The following SRCIN1 variants were observed in gnomAD, a reference collection of about 807,000 sequenced individuals.
The protein encoded by SRCIN1 is SRC kinase signaling inhibitor 1.
Under a neutral mutation model 116.2 loss-of-function variants are expected in SRCIN1, and 50 were observed. That is an observed-to-expected ratio of 0.43 (90% confidence interval 0.34 to 0.54). The LOEUF is 0.54. SRCIN1 is among the 20% of genes least tolerant of loss of function. The pLI, the probability that SRCIN1 is intolerant of heterozygous loss-of-function variation, is 0.02. For missense variants in SRCIN1, 1,446 were observed against 1,672.0 expected, an observed-to-expected ratio of 0.86 and a Z score of 2.36; for synonymous variants, 736 against 750.0, an observed-to-expected ratio of 0.98 and a Z score of 0.30.
chr17:38,578,459 C>A, intron 2 of SRCIN1, 31 bp downstream of exon 2: 1 of 1,540,314 alleles, frequency 6.5e-7, no homozygotes, highest in Non-Finnish European at 8.8e-7. Flanking sequence ...GCCGCGGCCG[C>A]AGCCGCAGCC....
rs946378458 is a variant in SRCIN1, at chr17:38,543,923, G to A, written c.3317C>T (p.Ala1106Val). Residue 1106 changes from alanine to valine, a missense_variant, in exon 18 of 19, where the codon GCC (alanine) becomes GTC (valine). Around this residue, in one of 5 missense-constraint regions of SRCIN1, gnomAD observed 531 missense variants for 633.9 expected, o/e 0.84. Coordinates refer to ENST00000617146, the MANE Select transcript of SRCIN1 (RefSeq NM_025248.3). ...VPPMKVVTPG[A>V]SRLKAAQGQA... ...GCCCTGGGCCGCCTTCAGCCGAGAG[G>A]CCCCCGGAGTCACCACCTTCATGGG... 6.2e-7 allele frequency: 1 copy of A among 1,600,540 alleles called. No homozygotes were observed. Among genetic ancestry groups the A allele is most frequent in the Non-Finnish European group, 8.5e-7 (1 of 1,177,692 alleles).
intron 18 of SRCIN1, among the ~76,000 whole-genome samples, chr17:38,539,353 G>A (rs1310551367): frequency 6.6e-6 from 1 of 152,164 alleles, no homozygotes; most frequent in Non-Finnish European, 1.5e-5. Flanking sequence ...GCCTCCCAAA[G>A]TGGGGATTAC....
chr17:38,559,437 T>C, intron 10 of SRCIN1, 148 bp downstream of exon 10: 1 of 785,508 alleles, frequency 1.3e-6, no homozygotes, highest in Non-Finnish European at 2.0e-6. Context: ...GAGAAAGGGT[T>C]CGGAGAGAGG....
chr17:38,536,572 C>T (rs1007500030), intron 18 of SRCIN1, among the ~76,000 whole-genome samples: 5 of 152,208 alleles, frequency 3.3e-5, no homozygotes, highest in South Asian at 2.1e-4. Context: ...CACATTCTGA[C>T]GCCCAGATGT....
At chr17:38,579,521 A>G (rs1357560552) in intron 1 of SRCIN1, among the ~76,000 whole-genome samples, 1 of 152,126 alleles carries the variant, frequency 6.6e-6, no homozygotes, top group African/African-American at 2.4e-5. Context: ...ATGGATTTGG[A>G]ACAAACTTAA....
chr17:38,548,834 C>T, intron 16 of SRCIN1, 125 bp from the exon 17 acceptor site: 8 of 1,342,794 alleles, frequency 6.0e-6, no homozygotes, highest in Non-Finnish European at 7.9e-6. Flanking sequence ...ACACCCCTGC[C>T]AGGGTGTCCC....
rs1363761046 is a variant in SRCIN1, at chr17:38,558,192, C to T, written c.2201+35G>A. The T allele has an allele frequency of 2.5e-6, 4 of 1,602,904 alleles. No individual in the cohort carries two copies. Among genetic ancestry groups the T allele is most frequent in the East Asian group, 4.5e-5 (2 of 44,542 alleles). ...AGGTTGCGGGTCACTCCAGCCGCAC[C>T]CCCACCCCTCCCTCCGCCGCGGGCC... is the stretch of plus-strand genomic sequence containing the variant. On this transcript the variant is annotated intron_variant, in intron 11 of 18. Transcript: ENST00000617146. This position sits in a 1 kb window ranked among gnomAD's most constrained non-coding sequence, Gnocchi z 4.6.
intron 1 of SRCIN1, among the ~76,000 whole-genome samples, chr17:38,596,416 G>C (rs955379933): frequency 6.6e-6 from 1 of 152,084 alleles, no homozygotes; most frequent in African/African-American, 2.4e-5. Flanking sequence ...GACAGACAGG[G>C]GGACAAACAG....
In SRCIN1 at chr17:38,563,547, G is replaced by A. The variant is rs754335051; in HGVS notation, c.542-26C>T. ...CTGCGAAGGAGACGCCGCCCTCGCT[G>A]TCACTGCTGCCGTCTCCACGCCGCC... On this transcript the variant is annotated intron_variant, in intron 4 of 18. Coordinates refer to ENST00000617146, the MANE Select transcript of SRCIN1 (RefSeq NM_025248.3). This position sits in a 1 kb window ranked among gnomAD's most constrained non-coding sequence, Gnocchi z 5.8. The A allele has an allele frequency of 1.3e-6, 2 of 1,542,730 alleles. No individual in the cohort carries two copies. The highest frequency in any genetic ancestry group is 1.7e-6 in the Non-Finnish European group (2 of 1,146,868).
chr17:38,580,133 A>G (rs947840329), intron 1 of SRCIN1, among the ~76,000 whole-genome samples: 1 of 152,068 alleles, frequency 6.6e-6, no homozygotes, highest in African/African-American at 2.4e-5. Flanking sequence ...AACGCTGGAA[A>G]CCAGCCAGGT....
chr17:38,573,562 C>A (rs188481248), intron 2 of SRCIN1, among the ~76,000 whole-genome samples: 12 of 152,324 alleles, frequency 7.9e-5, no homozygotes, highest in South Asian at 2.1e-4. Flanking sequence ...TGTGGACAGG[C>A]CAAAATCCCC....
chr17:38,547,716 C>G, intron 17 of SRCIN1: 1 of 301,546 alleles, frequency 3.3e-6, no homozygotes. Context: ...TGTGGGGGCA[C>G]AGGCAGAGAG....
At chr17:38,580,030 C>T (rs999491614) in intron 1 of SRCIN1, among the ~76,000 whole-genome samples, 5 of 152,182 alleles carry the variant, frequency 3.3e-5, no homozygotes, top group Non-Finnish European at 7.4e-5. Flanking sequence ...GGGCATCAGG[C>T]GCTGCAGCAG....
chr17:38,592,845 G>A (rs1054771220), intron 1 of SRCIN1, among the ~76,000 whole-genome samples: 3 of 152,064 alleles, frequency 2.0e-5, no homozygotes, highest in African/African-American at 7.2e-5. Context: ...TGGGGGGCTG[G>A]TGGTGTTTGG....
rs28667061 is a variant in SRCIN1 at position 38,586,828 on chromosome 17, C to T, written c.23-8037G>A. Among the ~76,000 whole-genome samples, 554 of 152,346 alleles carry T rather than the reference C, an allele frequency of 3.6e-3. 2 individuals are homozygous for T. The highest frequency in any genetic ancestry group is 0.013 in the African/African-American group (535 of 41,582). The stretch of plus-strand genomic sequence containing the variant: ...CACTGAAGGCCACTTAGTTGGTAAA[C>T]GAGTCAGAATCTAATTAAAGGACCT... On this transcript the variant is annotated intron_variant, in intron 1 of 18. Transcript: ENST00000617146.
intron 11 of SRCIN1, among the ~76,000 whole-genome samples, chr17:38,554,472 C>A (rs533479676): frequency 9.9e-5 from 15 of 152,168 alleles, no homozygotes; most frequent in Admixed American, 9.2e-4. Flanking sequence ...CACATACAGG[C>A]ACACACACGT....
In SRCIN1 at chr17:38,578,483, C is replaced by G; in HGVS notation, c.324+7G>C. The G allele has an allele frequency of 6.4e-7, 1 of 1,574,630 alleles. No individual in the cohort carries two copies. The highest frequency in any genetic ancestry group is 8.7e-7 in the Non-Finnish European group (1 of 1,154,960). The stretch of plus-strand genomic sequence containing the variant: ...GCAGCCGCAGCCGCAGCCGGGAGCC[C>G]ACTCACCTGCTCTCGCATCCTGTCC... On this transcript the variant is annotated splice_region_variant and intron_variant, in intron 2 of 18. Coordinates refer to ENST00000617146, the MANE Select transcript of SRCIN1 (RefSeq NM_025248.3).
chr17:38,560,498 A>C, intron 7 of SRCIN1, 73 bp from the exon 8 acceptor site: 3 of 1,320,746 alleles, frequency 2.3e-6, no homozygotes, highest in Non-Finnish European at 2.1e-6. Context: ...CCCATTCCTA[A>C]GATTGGTAAC....
chr17:38,553,777 G>T (rs1905602741), intron 11 of SRCIN1, among the ~76,000 whole-genome samples: 1 of 152,198 alleles, frequency 6.6e-6, no homozygotes, highest in Non-Finnish European at 1.5e-5. Flanking sequence ...AGAAGGGCAG[G>T]AAGGTGGTAG....
Sources: gnomAD v4.1 joint callset for allele counts (sites outside exome capture counted in the v4.1 genomes callset) on GRCh38, gnomAD v4.1.1 for gene constraint, gnomAD v4.1.1 regional missense constraint, Gnocchi (gnomAD v3.1) non-coding constraint, MANE v1.5 for transcripts, NCBI Gene and HGNC (gene_info 2026-07-23, HGNC 2026-07-21) for gene names.